Variants in NEBL observed in about 807,000 individuals in gnomAD.
NEBL encodes the protein LIM and SH3 protein 2.
A neutral mutation model predicts 140.2 loss-of-function variants in NEBL; 122 were observed. The ratio of observed to expected loss-of-function variants is 0.87; its 90% CI spans 0.75 to 1.01. NEBL has a LOEUF of 1.01. Ranked by LOEUF, NEBL falls within the 50% of genes least tolerant of loss-of-function variation. NEBL has a pLI of 0.00. For missense variants in NEBL, 1,365 were observed against 1,231.3 expected (o/e 1.11, Z -1.62); for synonymous variants, 436 against 398.9 (o/e 1.09, Z -1.11).
chr10:21,043,613 G>C (rs1015679275), intron 2 of NEBL, among the ~76,000 whole-genome samples: 2 of 152,098 alleles, frequency 1.3e-5, no homozygotes, highest in Non-Finnish European at 2.9e-5. Flanking sequence ...CCTTTGTACT[G>C]AAAAAGAACT....
intron 1 of NEBL, among the ~76,000 whole-genome samples, chr10:21,288,846 ATAT>A (rs1321218090): frequency 8.0e-5 from 7 of 87,826 alleles, no homozygotes; most frequent in Admixed American, 1.4e-4. Context: ...ATATATATAT[ATAT>A]AAAAATTTTT....
rs143378417 is a variant in NEBL, at chr10:20,817,332, A to T, written c.2148+268T>A. On this transcript the variant is annotated intron_variant, in intron 21 of 27. Coordinates refer to ENST00000377122, the MANE Select transcript of NEBL (RefSeq NM_006393.3). ...CAGTGAGTCAAGATTGTGCCACTGC[A>T]TTCCAGTCTGGGTGACAGAGCAAGA... is the stretch of plus-strand genomic sequence containing the variant. Among the ~76,000 whole-genome samples the T allele has an allele frequency of 5.6e-3, 847 of 152,308 alleles. 32 individuals are homozygous for T. The highest frequency in any genetic ancestry group is 0.051 in the Admixed American group (781 of 15,296).
intron 20 of NEBL, chr10:20,818,931 T>C (rs1328124659): frequency 2.1e-6 from 2 of 969,340 alleles, no homozygotes; most frequent in African/African-American, 1.8e-5. Flanking sequence ...AATCTGGAGA[T>C]ATTCCGTTTA....
At chr10:21,181,995 C>T (rs1841396230) in intron 3 of NEBL, among the ~76,000 whole-genome samples, 1 of 152,172 alleles carries the variant, frequency 6.6e-6, no homozygotes, top group Non-Finnish European at 1.5e-5. Flanking sequence ...CCAAATGGGG[C>T]ACAGGGACCG....
At chr10:21,029,157 G>A (rs2131799436) in intron 2 of NEBL, 1 of 1,335,272 alleles carries the variant, frequency 7.5e-7, no homozygotes. Flanking sequence ...ATGTTTCAAC[G>A]ATTTGACACA....
intron 3 of NEBL, among the ~76,000 whole-genome samples, chr10:21,199,333 T>C (rs1056896289): frequency 6.6e-6 from 1 of 152,108 alleles, no homozygotes; most frequent in African/African-American, 2.4e-5. Context: ...GCATCCCAAT[T>C]GGAATAATTA....
At chr10:21,250,902 A>C (rs1842580284) in intron 2 of NEBL, among the ~76,000 whole-genome samples, 1 of 152,198 alleles carries the variant, frequency 6.6e-6, no homozygotes, top group South Asian at 2.1e-4. Context: ...TCAAAAAATA[A>C]TAATAATAAT....
At chr10:20,980,935 G>C (rs1837014532) in intron 3 of NEBL, among the ~76,000 whole-genome samples, 1 of 152,150 alleles carries the variant, frequency 6.6e-6, no homozygotes, top group Non-Finnish European at 1.5e-5. Flanking sequence ...CGAAGTCTCA[G>C]AGTCTCATCT....
At chr10:21,087,442 C>T (rs77270987) in intron 2 of NEBL, among the ~76,000 whole-genome samples, 3,532 of 152,186 alleles carry the variant, frequency 0.023, 139 homozygotes, top group African/African-American at 0.078. Flanking sequence ...GTACAGAATG[C>T]CACCTAGAAT....
rs572697210 is a variant in NEBL at position 21,225,780 on chromosome 10, G to A, written n.348+22141C>T. ...AGGCCTGGAACTCTTCCTTCAGGGA[G>A]GTGGATGTCCCTCTTGCCCAGAGCA... On this transcript the variant is annotated intron_variant and non_coding_transcript_variant, in intron 3 of 8. Transcript: ENST00000675702. Among the ~76,000 whole-genome samples the A allele has an allele frequency of 5.9e-5, 9 of 152,298 alleles. No homozygotes were observed. In the South Asian group the frequency reaches 1.0e-3, roughly 18 times the overall value.
intron 3 of NEBL, among the ~76,000 whole-genome samples, chr10:21,236,163 A>G (rs1842345880): frequency 6.6e-6 from 1 of 152,150 alleles, no homozygotes; most frequent in African/African-American, 2.4e-5. Flanking sequence ...AAATCAATTC[A>G]CAATAGCTCA....
At position 21,056,437 on chromosome 10, in the gene NEBL, C is replaced by A. The variant is rs76309993; in HGVS notation, c.165-36236G>T. ...AAAAAAAGATAGACTGACTGTCCTC[C>A]CGGAACTTTAAAAGCAGTAGGAAAA... On this transcript the variant is annotated intron_variant, in intron 2 of 6. Transcript: ENST00000417816. 4.2e-3 allele frequency among the ~76,000 whole-genome samples: 644 copies of A among 152,254 alleles called. 5 individuals carry two copies. The highest frequency in any genetic ancestry group is 0.014 in the African/African-American group (600 of 41,544).
chr10:20,803,709 C>A, intron 26 of NEBL, among the ~76,000 whole-genome samples: 1 of 151,392 alleles, frequency 6.6e-6, no homozygotes, highest in Non-Finnish European at 1.5e-5. Flanking sequence ...TAGAGTCAAT[C>A]AGCACCTTCT....
intron 3 of NEBL, among the ~76,000 whole-genome samples, chr10:21,236,106 T>C (rs887984177): frequency 2.0e-5 from 3 of 152,230 alleles, no homozygotes; most frequent in Non-Finnish European, 4.4e-5. Flanking sequence ...TTCTTTTCAC[T>C]GTACAAGATT....
At chr10:20,907,858 T>C (rs569082724) in intron 4 of NEBL, among the ~76,000 whole-genome samples, 1 of 152,322 alleles carries the variant, frequency 6.6e-6, no homozygotes, top group East Asian at 1.9e-4. Flanking sequence ...TGCTGGAATC[T>C]TGAATAATAT....
chr10:20,857,919 T>C (rs1843250613), intron 9 of NEBL, among the ~76,000 whole-genome samples: 1 of 152,022 alleles, frequency 6.6e-6, no homozygotes, highest in Admixed American at 6.6e-5. Flanking sequence ...TATCCCTGAC[T>C]TGAGAGCCTG....
At chr10:21,288,124 A>G (rs1478262786) in intron 1 of NEBL, among the ~76,000 whole-genome samples, 1 of 152,222 alleles carries the variant, frequency 6.6e-6, no homozygotes, top group Non-Finnish European at 1.5e-5. Flanking sequence ...AACAAATGGT[A>G]ATCATTATGA....
chr10:21,169,961 T>C (rs1383436482), intron 2 of NEBL, among the ~76,000 whole-genome samples: 1 of 151,954 alleles, frequency 6.6e-6, no homozygotes, highest in Non-Finnish European at 1.5e-5. Context: ...TAGAATCATT[T>C]CCTTTTGGGG....
At chr10:20,802,326 C>T (rs1172796226) in intron 26 of NEBL, among the ~76,000 whole-genome samples, 1 of 152,004 alleles carries the variant, frequency 6.6e-6, no homozygotes, top group Non-Finnish European at 1.5e-5. Context: ...AGCTGTGTGT[C>T]AAATAAAATA....
Sources: gnomAD v4.1 joint callset for allele counts (sites outside exome capture counted in the v4.1 genomes callset) on GRCh38, gnomAD v4.1.1 for gene constraint, MANE v1.5 for transcripts, NCBI Gene and HGNC (gene_info 2026-07-23, HGNC 2026-07-21) for gene names.